RIC3: variants seen among roughly 807,000 people sequenced by gnomAD.
RIC3 encodes the protein protein RIC-3.
RIC3 carries 28 observed loss-of-function variants against 27.3 expected under a neutral mutation model. That is an observed-to-expected ratio of 1.02 (90% CI 0.76 to 1.41). The LOEUF is 1.41. Among genes scored for constraint, RIC3 ranks in the 40% most tolerant of loss-of-function variants. RIC3 has a pLI of 0.00. For missense variants in RIC3, 501 were observed against 444.7 expected (o/e 1.13, Z -1.14); for synonymous variants, 184 against 160.4 (o/e 1.15, Z -1.11).
chr11:8,135,999 G>C (rs1039153788), intron 4 of RIC3, among the ~76,000 whole-genome samples: 3 of 152,088 alleles, frequency 2.0e-5, no homozygotes, highest in African/African-American at 7.2e-5. Context: ...AATTATTATT[G>C]TACACTCACA....
At chr11:8,105,136 T>C (rs1187392277), downstream of RIC3, 1 of 152,182 alleles carries the variant, frequency 6.6e-6, no homozygotes, top group African/African-American at 2.4e-5. Context: ...ACAAATTTCA[T>C]CTCCTAGATG....
chr11:8,167,668 G>A (rs937279135), intron 1 of RIC3, among the ~76,000 whole-genome samples: 2 of 144,072 alleles, frequency 1.4e-5, no homozygotes, highest in Non-Finnish European at 3.0e-5. Flanking sequence ...AGTTTTCGAA[G>A]AATCTTCACT....
the RIC3 span, chr11:8,096,926 G>T: frequency 2.6e-6 from 3 of 1,137,950 alleles, no homozygotes; most frequent in Non-Finnish European, 3.9e-6. Context: ...GGCCTCTTAT[G>T]TCCCTCTACC....
chr11:8,150,584 G>A (rs1046767593), intron 1 of RIC3, among the ~76,000 whole-genome samples: 3 of 152,154 alleles, frequency 2.0e-5, no homozygotes, highest in Non-Finnish European at 4.4e-5. Flanking sequence ...AATTAAAATT[G>A]AGTGAATGGT....
At chr11:8,112,533 G>A (rs1945394619) in intron 5 of RIC3, among the ~76,000 whole-genome samples, 1 of 152,124 alleles carries the variant, frequency 6.6e-6, no homozygotes, top group East Asian at 1.9e-4. Flanking sequence ...GACCTCAGGT[G>A]ATCCACCCAC....
At chr11:8,149,786 C>T (rs111382038) in intron 1 of RIC3, among the ~76,000 whole-genome samples, 14 of 152,264 alleles carry the variant, frequency 9.2e-5, no homozygotes, top group African/African-American at 2.6e-4. Context: ...CCCCTTCCCT[C>T]GCAAACCACG....
At chr11:8,145,885 T>G (rs1231425734) in intron 1 of RIC3, among the ~76,000 whole-genome samples, 1 of 152,150 alleles carries the variant, frequency 6.6e-6, no homozygotes, top group Non-Finnish European at 1.5e-5. Flanking sequence ...GGATTTGACT[T>G]GAACAAAATT....
chr11:8,151,093 TAGAC>T (rs1234553320), intron 1 of RIC3, among the ~76,000 whole-genome samples: 5 of 152,132 alleles, frequency 3.3e-5, no homozygotes, highest in African/African-American at 1.2e-4. Context: ...GACAGTTTCT[TAGAC>T]AGGACACCAA....
At chr11:8,095,524 G>A in the RIC3 span, 2 of 1,612,022 alleles carry the variant, frequency 1.2e-6, no homozygotes, top group Admixed American at 1.7e-5. Flanking sequence ...AGCACTGGCA[G>A]AAGACAAGTC....
the RIC3 span, chr11:8,095,734 G>C: frequency 6.7e-7 from 1 of 1,491,592 alleles, no homozygotes; most frequent in East Asian, 2.5e-5. Context: ...ACCTTTCTCT[G>C]GGAGCATGGC....
At chr11:8,128,124 C>G in intron 4 of RIC3, 2 of 452,416 alleles carry the variant, frequency 4.4e-6, no homozygotes, top group South Asian at 3.2e-5. Flanking sequence ...TCCTGACTCT[C>G]CACAACTGCT....
chr11:8,111,177 T>G, intron 5 of RIC3, 40 bp from the exon 6 acceptor site: 1 of 1,321,082 alleles, frequency 7.6e-7, no homozygotes, highest in Non-Finnish European at 1.0e-6. Context: ...AAAGAATGTC[T>G]CCTCAAAAAA....
rs1944885728 is a variant in RIC3, at chr11:8,108,226, TG to T, written c.*2471del. On this transcript the variant is annotated 3_prime_UTR_variant, in exon 6 of 6. Transcript: ENST00000309737. The stretch of plus-strand genomic sequence containing the variant: ...TACATAACAGCCTCACCAAAATACT[TG>T]AACATCCATGTATTTTCACACCCTA... The T allele has an allele frequency of 6.6e-6, 1 of 152,154 alleles. No homozygotes were observed. Among genetic ancestry groups the T allele is most frequent in the Non-Finnish European group, 1.5e-5 (1 of 68,030 alleles). 9.4% of individuals were successfully genotyped at this position (152,154 alleles called of 1,614,324 possible).
At chr11:8,155,822 G>C (rs59123180) in intron 1 of RIC3, among the ~76,000 whole-genome samples, 29,667 of 152,058 alleles carry the variant, frequency 0.2, 3,568 homozygotes, top group African/African-American at 0.33. Flanking sequence ...GGGGCCAGTT[G>C]CTTAAGATAG....
the RIC3 span, among the ~76,000 whole-genome samples, chr11:8,098,208 G>T: frequency 1.3e-5 from 2 of 152,126 alleles, no homozygotes; most frequent in African/African-American, 4.8e-5. Context: ...TCTTGGGGGT[G>T]GGGGGCAGTG....
At chr11:8,162,629 CTTTTTT>C (rs757717970) in intron 1 of RIC3, among the ~76,000 whole-genome samples, 3 of 83,734 alleles carry the variant, frequency 3.6e-5, no homozygotes, top group South Asian at 4.3e-4. Flanking sequence ...CATGCTTCTT[CTTTTTT>C]TTTTTTTTTT....
chr11:8,128,067 T>A (rs1947200435), intron 4 of RIC3, among the ~76,000 whole-genome samples: 1 of 152,322 alleles, frequency 6.6e-6, no homozygotes, highest in South Asian at 2.1e-4. Flanking sequence ...TAAAATCCTA[T>A]ACTTACAGGG....
intron 1 of RIC3, among the ~76,000 whole-genome samples, chr11:8,144,696 C>G (rs1159000156): frequency 6.6e-6 from 1 of 151,976 alleles, no homozygotes; most frequent in African/African-American, 2.4e-5. Context: ...ACCCAAAGGA[C>G]TATAAATTAT....
At chr11:8,160,134 T>C (rs1408282186) in intron 1 of RIC3, among the ~76,000 whole-genome samples, 1 of 152,194 alleles carries the variant, frequency 6.6e-6, no homozygotes, top group Non-Finnish European at 1.5e-5. Context: ...GTGACAATGG[T>C]ATTGTGGCTA....
Sources: allele counts gnomAD v4.1 joint callset (sites outside exome capture counted in the v4.1 genomes callset), GRCh38; gene constraint gnomAD v4.1.1; transcripts MANE v1.5; gene names NCBI Gene and HGNC (gene_info 2026-07-23, HGNC 2026-07-21).